The following ATP11A variants were observed in gnomAD, a reference collection of about 807,000 sequenced individuals.
ATP11A encodes the protein phospholipid-transporting ATPase IH.
Under a neutral mutation model 154.4 loss-of-function variants are expected in ATP11A, and 81 were observed. The ratio of observed to expected loss-of-function variants is 0.52; its 90% CI spans 0.44 to 0.63. The LOEUF (loss-of-function observed/expected upper bound fraction) is 0.63. Among genes scored for constraint, ATP11A ranks in the 30% least tolerant of loss-of-function variants. The pLI is 0.00. For missense variants in ATP11A, 1,316 were observed against 1,474.3 expected (o/e 0.89, Z 1.76); for synonymous variants, 623 against 585.9 (o/e 1.06, Z -0.91).
Position 112,858,206 on chromosome 13 carries a change from T to G in ATP11A, c.2583T>G (p.Phe861Leu). 1.9e-6 allele frequency: 3 copies of G among 1,614,134 alleles called. No homozygotes were observed. Among genetic ancestry groups the G allele is most frequent in the South Asian group, 1.1e-5 (1 of 91,088 alleles). The change falls in exon 22 of 30, where the codon TTT becomes TTG. Residue 861 changes from phenylalanine (F) to leucine (L), a missense_variant. Coordinates refer to ENST00000375645, the MANE Select transcript of ATP11A (RefSeq NM_015205.3). ...ACAGCGACTATGCAATCCCAAAGTTTAAGCATTTGAAGAAGATGCTGCTTG... is the reference window on the plus strand; with the variant it reads ...ACAGCGACTATGCAATCCCAAAGTTGAAGCATTTGAAGAAGATGCTGCTTG... The part of the protein sequence containing the change: ...ARNSDYAIPK[F>L]KHLKKMLLVH...
intron 1 of ATP11A, among the ~76,000 whole-genome samples, chr13:112,738,897 C>A (rs564494157): frequency 3.3e-5 from 5 of 152,184 alleles, no homozygotes; most frequent in African/African-American, 1.2e-4. Context: ...GTCTTCTTCC[C>A]CTAGTGAAAC....
intron 17 of ATP11A, among the ~76,000 whole-genome samples, chr13:112,847,477 C>G (rs2079642566): frequency 6.6e-6 from 1 of 152,200 alleles, no homozygotes; most frequent in Non-Finnish European, 1.5e-5. Context: ...TCCCTGCATG[C>G]AGTTATCCAG....
rs1246382242 is a variant in ATP11A at position 112,886,063 on chromosome 13, G to A, written c.*4197G>A. 2 of 152,340 alleles carry A rather than the reference G, an allele frequency of 1.3e-5. No individual in the cohort carries two copies. Among genetic ancestry groups the A allele is most frequent in the South Asian group, 2.1e-4 (1 of 4,836 alleles). 9.4% of individuals were successfully genotyped at this position (152,340 alleles called of 1,614,324 possible). A position where few individuals can be genotyped will look rare whatever the true frequency, so the allele number is the denominator to read the frequency against. On this transcript the variant is annotated 3_prime_UTR_variant, in exon 30 of 30. Coordinates refer to ENST00000375645, the MANE Select transcript of ATP11A (RefSeq NM_015205.3). ...GCCGCACCTCATCCGTGCACGCGTC[G>A]GAGCACGGCCAGCCTTCCGCCACGA...
chr13:112,712,121 G>A (rs1012817708), intron 1 of ATP11A, among the ~76,000 whole-genome samples: 1 of 152,170 alleles, frequency 6.6e-6, no homozygotes, highest in Non-Finnish European at 1.5e-5. Context: ...TGGCTCCCAC[G>A]TGTTTTCCCC....
At chr13:112,731,843 G>T (rs1380537251) in intron 1 of ATP11A, among the ~76,000 whole-genome samples, 1 of 151,650 alleles carries the variant, frequency 6.6e-6, no homozygotes, top group African/African-American at 2.4e-5. Context: ...AGAAGTGCAC[G>T]TGAGGAAGGG....
At chr13:112,740,967 G>A (rs906811870) in intron 1 of ATP11A, among the ~76,000 whole-genome samples, 8 of 152,202 alleles carry the variant, frequency 5.3e-5, no homozygotes, top group Admixed American at 2.6e-4. Flanking sequence ...AAAATAGTGC[G>A]TTTTCAGAAT....
chr13:112,816,958 C>T (rs1207321904), intron 6 of ATP11A, among the ~76,000 whole-genome samples: 1 of 152,128 alleles, frequency 6.6e-6, no homozygotes, highest in East Asian at 1.9e-4. Context: ...CTAGATTTTG[C>T]CTGTTACTTC....
At position 112,851,156 on chromosome 13, in the gene ATP11A, A is replaced by G. The variant is rs757035410; in HGVS notation, c.1929A>G (p.Ala643=). Residue 643 remains alanine (A), a synonymous_variant, in exon 18 of 30, where the codon GCA becomes GCG. Transcript: ENST00000375645. Reference sequence around the variant, plus strand: ...TTCAAGATCGAGAGAAAAAGTTAGCAGAAGCCTATGAGCAAATAGAGAAAG... The same window carrying G: ...TTCAAGATCGAGAGAAAAAGTTAGCGGAAGCCTATGAGCAAATAGAGAAAG... The part of the protein sequence containing the change: ...VALQDREKKL[A]EAYEQIEKDL... 4 of 1,614,256 alleles carry G rather than the reference A, an allele frequency of 2.5e-6. No homozygotes were observed. Among genetic ancestry groups the G allele is most frequent in the Non-Finnish European group, 3.4e-6 (4 of 1,180,044 alleles).
intron 25 of ATP11A, among the ~76,000 whole-genome samples, chr13:112,867,833 G>A (rs1009680094): frequency 1.3e-5 from 2 of 152,234 alleles, no homozygotes; most frequent in Admixed American, 1.3e-4. Flanking sequence ...GTAGCAATTT[G>A]GGGTTGGGGT....
chr13:112,710,518 G>C (rs1409823280), intron 1 of ATP11A, among the ~76,000 whole-genome samples: 1 of 152,236 alleles, frequency 6.6e-6, no homozygotes, highest in African/African-American at 2.4e-5. Flanking sequence ...CGACTAGAAC[G>C]TTAACAGGAA....
chr13:112,819,764 G>T, intron 7 of ATP11A, 136 bp from the exon 8 acceptor site: 1 of 838,750 alleles, frequency 1.2e-6, no homozygotes, highest in South Asian at 1.5e-5. Flanking sequence ...GAAGGGGCTG[G>T]AGCGGGGCTG....
chr13:112,784,350 C>T (rs1243331268), intron 1 of ATP11A, among the ~76,000 whole-genome samples: 1 of 152,190 alleles, frequency 6.6e-6, no homozygotes, highest in Non-Finnish European at 1.5e-5. Context: ...GCCTCTGCCC[C>T]AGCCCTGTTT....
intron 12 of ATP11A, among the ~76,000 whole-genome samples, 199 bp downstream of exon 12, chr13:112,827,090 A>G (rs572671175): frequency 1.8e-4 from 27 of 152,336 alleles, no homozygotes; most frequent in African/African-American, 6.5e-4. Flanking sequence ...AATTACCTGC[A>G]CTTGCTGACT....
chr13:112,801,759 CAA>C (rs1303413248), intron 2 of ATP11A, among the ~76,000 whole-genome samples: 1 of 152,150 alleles, frequency 6.6e-6, no homozygotes, highest in East Asian at 1.9e-4. Context: ...AGGAAAACGA[CAA>C]AACTGTAACG....
intron 2 of ATP11A, among the ~76,000 whole-genome samples, chr13:112,794,228 G>C (rs554469799): frequency 1.3e-5 from 2 of 152,258 alleles, no homozygotes; most frequent in South Asian, 2.1e-4. Flanking sequence ...CACAGTCGAA[G>C]GGCCCAGTGT....
chr13:112,718,373 G>T (rs191211787), intron 1 of ATP11A, among the ~76,000 whole-genome samples: 2 of 152,190 alleles, frequency 1.3e-5, no homozygotes, highest in African/African-American at 4.8e-5. Flanking sequence ...TTGTTAGCCA[G>T]CCAAAGCCAA....
At position 112,831,500 on chromosome 13, in the gene ATP11A, G is replaced by A. The variant is rs74118308; in HGVS notation, c.1347G>A (p.Glu449=). The change falls in exon 13 of 30, where the codon GAG becomes GAA. Residue 449 remains glutamate, a synonymous_variant. Transcript: ENST00000375645. ...HVICNGQVLP[E]SSGIDMIDSS... ...TCTGCAACGGGCAGGTCCTCCCAGA[G>A]TCGTCAGGAATCGACATGATTGACT... 2,291 of 1,614,204 alleles carry A rather than the reference G, an allele frequency of 1.4e-3. 31 individuals are homozygous for A. The African/African-American group carries it at 0.027, about 19-fold the overall frequency.
In ATP11A at chr13:112,878,252, C is replaced by T; in HGVS notation, c.3363C>T (p.Thr1121=). 1 of 1,614,230 alleles carries T rather than the reference C, an allele frequency of 6.2e-7. No individual in the cohort carries two copies. The highest frequency in any genetic ancestry group is 1.3e-5 in the African/African-American group (1 of 75,062). ...AGTGCCTTTCTGTCGAGCAGTCAAC[C>T]ATCTTTATGCTTTCTCAGACTTCCA... The part of the protein sequence containing the change: ...KSQCLSVEQS[T]IFMLSQTSSS... The change falls in exon 29 of 30, where the codon ACC becomes ACT. Residue 1121 remains threonine (T), a synonymous_variant. Coordinates refer to ENST00000375645, the MANE Select transcript of ATP11A (RefSeq NM_015205.3).
chr13:112,846,004 C>T (rs2079596721), intron 17 of ATP11A, among the ~76,000 whole-genome samples: 1 of 152,218 alleles, frequency 6.6e-6, no homozygotes, highest in Admixed American at 6.5e-5. Flanking sequence ...CTGCGGGCCG[C>T]CTGCTGTGCG....
Sources: gnomAD v4.1 joint callset for allele counts (sites outside exome capture counted in the v4.1 genomes callset) on GRCh38, gnomAD v4.1.1 for gene constraint, MANE v1.5 for transcripts, NCBI Gene and HGNC (gene_info 2026-07-23, HGNC 2026-07-21) for gene names.